EPHA6: variants seen among roughly 807,000 people sequenced by gnomAD.
The protein encoded by EPHA6 is ephrin type-A receptor 6.
A neutral mutation model predicts 112.0 loss-of-function variants in EPHA6; 50 were observed. The ratio of observed to expected loss-of-function variants is 0.45; its 90% confidence interval spans 0.36 to 0.56. EPHA6 has a LOEUF of 0.56. Among genes scored for constraint, EPHA6 ranks in the 20% least tolerant of loss-of-function variants. EPHA6 has a pLI of 0.00. For synonymous variants in EPHA6, 529 were observed against 490.7 expected (o/e 1.08, Z -1.03); for missense variants, 1,280 against 1,417.4 (o/e 0.90, Z 1.56).
In EPHA6 at chr3:97,309,701, A is replaced by T. The variant is rs142432935; in HGVS notation, c.1606+65414A>T. Among the ~76,000 whole-genome samples, 517 of 151,756 alleles carry T rather than the reference A, an allele frequency of 3.4e-3. 2 individuals are homozygous for T. Among genetic ancestry groups the T allele is most frequent in the African/African-American group, 0.012 (489 of 41,508 alleles). Reference sequence around the variant, plus strand: ...CTCCACTAATTAGAAGATACATTTTAGTATAATTTCTGTAATACTCAGTGT... The same window carrying T: ...CTCCACTAATTAGAAGATACATTTTTGTATAATTTCTGTAATACTCAGTGT... On this transcript the variant is annotated intron_variant, in intron 5 of 17. Transcript: ENST00000389672.
At chr3:97,046,077 CCTAA>C (rs2045496134) in intron 3 of EPHA6, among the ~76,000 whole-genome samples, 1 of 152,054 alleles carries the variant, frequency 6.6e-6, no homozygotes, top group Non-Finnish European at 1.5e-5. Flanking sequence ...AGAGATTCTT[CCTAA>C]CTTATACAGC....
chr3:97,011,102 A>G (rs2213253), intron 3 of EPHA6, among the ~76,000 whole-genome samples: 46,712 of 152,006 alleles, frequency 0.31, 7,504 homozygotes, highest in African/African-American at 0.39. Flanking sequence ...AAGGTTTCAT[A>G]GAAGGAAAGC....
At chr3:97,745,773 T>C (rs1365817358) in intron 16 of EPHA6, among the ~76,000 whole-genome samples, 2 of 151,882 alleles carry the variant, frequency 1.3e-5, no homozygotes, top group African/African-American at 4.8e-5. Flanking sequence ...CATATACAAC[T>C]TGTGCTCCTA....
At chr3:97,353,988 T>C (rs2083939911) in intron 5 of EPHA6, among the ~76,000 whole-genome samples, 1 of 152,170 alleles carries the variant, frequency 6.6e-6, no homozygotes, top group African/African-American at 2.4e-5. Context: ...CTCTGCCTGG[T>C]AATCCAGGGA....
intron 2 of EPHA6, among the ~76,000 whole-genome samples, chr3:96,922,782 T>C (rs181195397): frequency 6.8e-4 from 104 of 152,244 alleles, no homozygotes; most frequent in Non-Finnish European, 9.9e-4. Context: ...CATTAGCTAT[T>C]CTTCCTGATG....
intron 13 of EPHA6, among the ~76,000 whole-genome samples, chr3:97,636,679 G>A (rs2107553320): frequency 6.6e-6 from 1 of 152,210 alleles, no homozygotes; most frequent in African/African-American, 2.4e-5. Flanking sequence ...GTGTCACCAT[G>A]ACAGCTAGGG....
intron 6 of EPHA6, among the ~76,000 whole-genome samples, chr3:97,419,022 G>A (rs1577324792): frequency 6.6e-6 from 1 of 152,246 alleles, no homozygotes; most frequent in Non-Finnish European, 1.5e-5. Flanking sequence ...GAATTTAACA[G>A]GGCCAGGCAC....
intron 12 of EPHA6, among the ~76,000 whole-genome samples, chr3:97,604,177 A>G (rs1015737512): frequency 2.6e-5 from 4 of 151,826 alleles, no homozygotes; most frequent in Non-Finnish European, 4.4e-5. Context: ...AATGAGAAAT[A>G]TATAATATTC....
intron 3 of EPHA6, among the ~76,000 whole-genome samples, chr3:97,118,984 A>G (rs1455416990): frequency 3.3e-5 from 5 of 151,958 alleles, no homozygotes; most frequent in African/African-American, 9.7e-5. Context: ...TTTACTCACA[A>G]GCCTCTATCA....
intron 4 of EPHA6, among the ~76,000 whole-genome samples, chr3:97,238,633 T>C (rs573846935): frequency 3.9e-5 from 6 of 152,068 alleles, no homozygotes; most frequent in African/African-American, 1.2e-4. Flanking sequence ...AAATATTAAG[T>C]ACACCCCTTA....
intron 16 of EPHA6, among the ~76,000 whole-genome samples, chr3:97,744,954 A>G (rs2035650511): frequency 6.6e-6 from 1 of 151,914 alleles, no homozygotes; most frequent in African/African-American, 2.4e-5. Context: ...GAAATAGGAC[A>G]CTCAATTTTC....
chr3:97,518,545 A>C (rs942186810), intron 10 of EPHA6, among the ~76,000 whole-genome samples: 12 of 148,776 alleles, frequency 8.1e-5, no homozygotes, highest in Admixed American at 4.7e-4. Flanking sequence ...TTTCTTTTTG[A>C]GAGATCCTCC....
intron 6 of EPHA6, among the ~76,000 whole-genome samples, chr3:97,448,209 C>A (rs980626116): frequency 6.6e-6 from 1 of 152,128 alleles, no homozygotes; most frequent in Non-Finnish European, 1.5e-5. Flanking sequence ...CACCTTTGCT[C>A]CTTGCACTCT....
In EPHA6 at chr3:97,754,078, T is replaced by TTA. The variant is rs2035963905; in HGVS notation, c.*5381_*5382dup. Among the ~76,000 whole-genome samples, 1 of 147,850 alleles carries TTA rather than the reference T, an allele frequency of 6.8e-6. No homozygotes were observed. Among genetic ancestry groups the TTA allele is most frequent in the Non-Finnish European group, 1.5e-5 (1 of 67,312 alleles). On this transcript the variant is annotated 3_prime_UTR_variant, in exon 18 of 18. Transcript: ENST00000389672. ...GTATAAAATGTATAAAAAATAACAT[T>TTA]TATATCTTTTTTTTTTTTTTTTTTT...
At chr3:97,481,160 C>G (rs1185555188) in intron 9 of EPHA6, 7 of 809,038 alleles carry the variant, frequency 8.7e-6, no homozygotes, top group African/African-American at 5.0e-5. Context: ...GCCGAGATCA[C>G]GCCACTGCAC....
Position 96,876,133 on chromosome 3 carries a change from ATT to A in EPHA6, c.450+9257_450+9258del, listed in dbSNP as rs112570955. Among the ~76,000 whole-genome samples the A allele has an allele frequency of 1.3e-3, 179 of 140,820 alleles. 2 individuals are homozygous for A. Among genetic ancestry groups the A allele is most frequent in the African/African-American group, 4.2e-3 (160 of 37,834 alleles). The allele number at this position is 140,820 out of a possible 152,430, so 92.4% of individuals were successfully genotyped here. ...AACATATTATTAATAAAATACATAT[ATT>A]TTTTTTTTTTTTGTAGAGATGGGGA... is the stretch of plus-strand genomic sequence containing the variant. On this transcript the variant is annotated intron_variant, in intron 2 of 17. Transcript: ENST00000389672.
intron 5 of EPHA6, among the ~76,000 whole-genome samples, chr3:97,363,002 TTG>T (rs2084460178): frequency 6.6e-6 from 1 of 150,550 alleles, no homozygotes; most frequent in Admixed American, 6.6e-5. Flanking sequence ...TTGTTATACT[TTG>T]CAGGTTTTGC....
intron 2 of EPHA6, among the ~76,000 whole-genome samples, chr3:96,932,870 C>A (rs1673751873): frequency 6.6e-6 from 1 of 152,028 alleles, no homozygotes; most frequent in Admixed American, 6.6e-5. Context: ...ATAAAACATG[C>A]AAAACGATTT....
At chr3:97,509,113 C>T (rs1202660744) in intron 10 of EPHA6, among the ~76,000 whole-genome samples, 1 of 147,194 alleles carries the variant, frequency 6.8e-6, no homozygotes, top group African/African-American at 2.5e-5. Context: ...GAATACAGCA[C>T]ACTGATGGGT....
Sources: gnomAD v4.1 joint callset for allele counts (sites outside exome capture counted in the v4.1 genomes callset) on GRCh38, gnomAD v4.1.1 for gene constraint, MANE v1.5 for transcripts, NCBI Gene and HGNC (gene_info 2026-07-23, HGNC 2026-07-21) for gene names.